The following AK9 variants were observed in gnomAD, a reference collection of about 807,000 sequenced individuals.
The protein encoded by AK9 is adenylate kinase domain containing 1.
Under a neutral mutation model 239.6 loss-of-function variants are expected in AK9, and 191 were observed. The observed-to-expected ratio is 0.80, with a 90% confidence interval of 0.71 to 0.90. The LOEUF (loss-of-function observed/expected upper bound fraction) is 0.90, where lower values mean the gene tolerates loss of function less well. Ranked by LOEUF, AK9 falls within the 40% of genes least tolerant of loss-of-function variation. The pLI is 0.00. For missense variants in AK9, 1,995 were observed against 2,214.7 expected (o/e 0.90, Z 1.99); for synonymous variants, 689 against 721.0 (o/e 0.96, Z 0.71).
Position 109,585,175 on chromosome 6 carries a change from C to T in AK9, c.2062G>A (p.Glu688Lys). 3 of 1,078,834 alleles carry T rather than the reference C, an allele frequency of 2.8e-6. No individual in the cohort carries two copies. The highest frequency in any genetic ancestry group is 4.0e-5 in the South Asian group (2 of 50,076). 66.8% of individuals were successfully genotyped at this position (1,078,834 alleles called of 1,614,324 possible). The change falls in exon 19 of 41, where the codon GAA (glutamate) becomes AAA (lysine). Residue 688 changes from glutamate to lysine, a missense_variant. By Grantham distance (56) the Glu-to-Lys change is moderately conservative (BLOSUM62 1). Transcript: ENST00000424296. ...TTTTGTAGTTCTTCTAATAATCTTT[C>T]TAAAATCTTAGAGTCAATTTCAGAT... ...KKSEIDSKIL[E>K]RLLEELQKKK... is the part of the protein sequence containing the mutation.
At chr6:109,579,138 GA>G (rs1788498204) in intron 20 of AK9, among the ~76,000 whole-genome samples, 1 of 152,170 alleles carries the variant, frequency 6.6e-6, no homozygotes, top group Non-Finnish European at 1.5e-5. Context: ...TAATCATAAA[GA>G]GAGTAAGTGG....
chr6:109,678,855 T>C (rs932110354), intron 1 of AK9, among the ~76,000 whole-genome samples: 1 of 151,408 alleles, frequency 6.6e-6, no homozygotes, highest in Non-Finnish European at 1.5e-5. Context: ...GTGCAAGGGG[T>C]CGGGGAACTC....
intron 28 of AK9, among the ~76,000 whole-genome samples, chr6:109,531,731 T>G (rs1193682341): frequency 6.6e-6 from 1 of 152,178 alleles, no homozygotes; most frequent in Non-Finnish European, 1.5e-5. Context: ...TTTGGTAGGC[T>G]CTCATCTTTG....
At chr6:109,501,249 A>C (rs1777577683) in intron 35 of AK9, among the ~76,000 whole-genome samples, 1 of 152,168 alleles carries the variant, frequency 6.6e-6, no homozygotes, top group African/African-American at 2.4e-5. Flanking sequence ...CACAGGCCAG[A>C]GGTGTCATGT....
At chr6:109,564,635 T>C in intron 22 of AK9, 121 bp downstream of exon 22, 2 of 669,738 alleles carry the variant, frequency 3.0e-6, no homozygotes, top group Non-Finnish European at 2.4e-6. Flanking sequence ...GTATGTCAAT[T>C]AGCATACAAC....
rs544953903 is a variant in AK9 at position 109,659,634 on chromosome 6, T to C, written c.445-221A>G. Among the ~76,000 whole-genome samples, 7 of 152,146 alleles carry C rather than the reference T, an allele frequency of 4.6e-5. No individual in the cohort carries two copies. The East Asian group carries it at 1.4e-3, about 29-fold the overall frequency. On this transcript the variant is annotated intron_variant, in intron 6 of 40. Coordinates refer to ENST00000424296, the MANE Select transcript of AK9 (RefSeq NM_001145128.3). ...TATGTTTTTATTTGTCCAAAATTAA[T>C]ATAGGTGAAAAAGTATTACAAGTCT... is the stretch of plus-strand genomic sequence containing the variant.
At chr6:109,501,635 C>T (rs1777615661) in intron 35 of AK9, among the ~76,000 whole-genome samples, 1 of 152,228 alleles carries the variant, frequency 6.6e-6, no homozygotes. Context: ...ATCAGCACTA[C>T]TCCTAACAAG....
chr6:109,539,338 T>A (rs568368231), intron 27 of AK9, among the ~76,000 whole-genome samples: 8 of 152,342 alleles, frequency 5.3e-5, no homozygotes, highest in Admixed American at 5.2e-4. Context: ...CTCTTCTCGC[T>A]TCATTTCATT....
chr6:109,525,179 G>A (rs1425957007), intron 29 of AK9, among the ~76,000 whole-genome samples: 1 of 152,100 alleles, frequency 6.6e-6, no homozygotes, highest in South Asian at 2.1e-4. Flanking sequence ...GATTGTAGGT[G>A]TGCAGCTTTA....
intron 12 of AK9, among the ~76,000 whole-genome samples, chr6:109,620,672 T>C (rs1327199685): frequency 6.6e-6 from 1 of 152,042 alleles, no homozygotes; most frequent in East Asian, 1.9e-4. Flanking sequence ...CATCCACATC[T>C]TCAGTTTTTA....
intron 1 of AK9, among the ~76,000 whole-genome samples, chr6:109,683,238 G>A (rs1772948343): frequency 6.6e-6 from 1 of 152,120 alleles, no homozygotes; most frequent in African/African-American, 2.4e-5. Flanking sequence ...AGGTATCAAT[G>A]GAACGTATCT....
chr6:109,634,798 G>C (rs1240150034), intron 10 of AK9, among the ~76,000 whole-genome samples: 7 of 152,174 alleles, frequency 4.6e-5, no homozygotes, highest in Non-Finnish European at 1.0e-4. Context: ...TGCCCAGTTA[G>C]GTCAGGAGGC....
intron 3 of AK9, among the ~76,000 whole-genome samples, chr6:109,672,556 C>A (rs983368260): frequency 6.6e-6 from 1 of 152,014 alleles, no homozygotes; most frequent in African/African-American, 2.4e-5. Flanking sequence ...AGTTATGGTG[C>A]ATGCCTATAG....
At chr6:109,651,966 A>G (rs1380462963) in intron 8 of AK9, among the ~76,000 whole-genome samples, 1 of 152,176 alleles carries the variant, frequency 6.6e-6, no homozygotes, top group Non-Finnish European at 1.5e-5. Flanking sequence ...GCCAAACTCT[A>G]CCAGAGGTAC....
intron 10 of AK9, 123 bp downstream of exon 10, chr6:109,641,395 C>A: frequency 1.4e-5 from 7 of 498,280 alleles, no homozygotes; most frequent in East Asian, 4.0e-5. Context: ...ACTAGGTCAT[C>A]CAGGCTGGTC....
chr6:109,554,830 C>T (rs1262964401), intron 24 of AK9, among the ~76,000 whole-genome samples: 2 of 152,132 alleles, frequency 1.3e-5, no homozygotes, highest in African/African-American at 4.8e-5. Flanking sequence ...CCACACCCAG[C>T]CCAGCAATTT....
At chr6:109,657,657 G>A (rs978635010) in intron 7 of AK9, among the ~76,000 whole-genome samples, 7 of 151,334 alleles carry the variant, frequency 4.6e-5, no homozygotes, top group African/African-American at 9.7e-5. Context: ...CCATTAACTC[G>A]TCATTTACAT....
chr6:109,579,882 C>T (rs904274001), intron 19 of AK9, among the ~76,000 whole-genome samples: 20 of 152,054 alleles, frequency 1.3e-4, no homozygotes, highest in African/African-American at 4.6e-4. Context: ...GAAAGGATTA[C>T]CTAACTGTAT....
intron 29 of AK9, among the ~76,000 whole-genome samples, chr6:109,522,996 T>C (rs147250868): frequency 6.6e-6 from 1 of 152,250 alleles, no homozygotes; most frequent in African/African-American, 2.4e-5. Context: ...TTTACCTTTT[T>C]TCTTTATGGG....
Sources: allele counts gnomAD v4.1 joint callset (sites outside exome capture counted in the v4.1 genomes callset), GRCh38; gene constraint gnomAD v4.1.1; transcripts MANE v1.5; gene names NCBI Gene and HGNC (gene_info 2026-07-23, HGNC 2026-07-21).